KCNMA1: variants seen among roughly 807,000 people sequenced by gnomAD.
The protein encoded by KCNMA1 is Calcium-activated potassium channel subunit alpha-1.
KCNMA1 carries 29 observed loss-of-function variants against 140.0 expected under a neutral mutation model. That is an observed-to-expected ratio of 0.21 (90% CI 0.15 to 0.28). The LOEUF (loss-of-function observed/expected upper bound fraction) is 0.28, where lower values mean the gene tolerates loss of function less well. Ranked by LOEUF, KCNMA1 falls within the 10% of genes least tolerant of loss-of-function variation. The pLI is 1.00. For synonymous variants in KCNMA1, 612 were observed against 611.9 expected (o/e 1.00, Z 0.00); for missense variants, 880 against 1,602.2 (o/e 0.55, Z 7.70).
intron 21 of KCNMA1, 92 bp downstream of exon 21, chr10:76,953,709 T>C: frequency 5.6e-6 from 8 of 1,437,484 alleles, no homozygotes; most frequent in Non-Finnish European, 7.8e-6. Context: ...AGGGACAGTA[T>C]TATCCCACTG....
chr10:77,286,107 T>C (rs2070729103), intron 2 of KCNMA1, among the ~76,000 whole-genome samples: 1 of 152,200 alleles, frequency 6.6e-6, no homozygotes, highest in Non-Finnish European at 1.5e-5. Context: ...ACCTACACAA[T>C]TAATTGTGTA....
At chr10:76,888,711 G>C (rs2038489094) in intron 27 of KCNMA1, among the ~76,000 whole-genome samples, 1 of 152,168 alleles carries the variant, frequency 6.6e-6, no homozygotes, top group Non-Finnish European at 1.5e-5. Context: ...AAGTTAAAAA[G>C]CGAGTCAATT....
At chr10:77,215,407 CTTT>C (rs5786271) in intron 3 of KCNMA1, among the ~76,000 whole-genome samples, 22 of 132,884 alleles carry the variant, frequency 1.7e-4, no homozygotes, top group Admixed American at 2.3e-4. Context: ...TTTATTTTTG[CTTT>C]TTTTTTTTTT....
At chr10:77,337,944 A>G (rs1473633019) in intron 2 of KCNMA1, among the ~76,000 whole-genome samples, 1 of 152,254 alleles carries the variant, frequency 6.6e-6, no homozygotes, top group African/African-American at 2.4e-5. Context: ...AAATGGCTCC[A>G]GAAGCAGGGG....
chr10:77,375,069 G>C (rs1205320409), intron 2 of KCNMA1, among the ~76,000 whole-genome samples: 1 of 152,160 alleles, frequency 6.6e-6, no homozygotes, highest in Non-Finnish European at 1.5e-5. Context: ...ACACCTAAGT[G>C]CTGAGAAAAG....
At chr10:77,167,530 A>G (rs2098656410) in intron 5 of KCNMA1, among the ~76,000 whole-genome samples, 1 of 152,082 alleles carries the variant, frequency 6.6e-6, no homozygotes, top group Non-Finnish European at 1.5e-5. Flanking sequence ...CACTTGTTTT[A>G]AGGTTTGTTG....
chr10:77,632,494 C>T (rs1159837928), intron 1 of KCNMA1, among the ~76,000 whole-genome samples: 3 of 152,164 alleles, frequency 2.0e-5, no homozygotes, highest in East Asian at 1.9e-4. Flanking sequence ...TGTCGATGTT[C>T]GTCCACTGAT....
intron 26 of KCNMA1, 24 bp from the exon 27 acceptor site, chr10:76,889,593 G>C (rs1339908309): frequency 7.2e-6 from 11 of 1,518,416 alleles, no homozygotes; most frequent in Admixed American, 3.3e-5. Flanking sequence ...AAAGAACAGA[G>C]AGAAACATCC....
At chr10:76,897,801 T>C (rs1463437363) in intron 25 of KCNMA1, among the ~76,000 whole-genome samples, 1 of 151,990 alleles carries the variant, frequency 6.6e-6, no homozygotes, top group East Asian at 1.9e-4. Context: ...GCTAAAATTA[T>C]GTTTTAAAGT....
intron 1 of KCNMA1, among the ~76,000 whole-genome samples, chr10:77,492,025 G>A (rs1274692225): frequency 2.0e-5 from 3 of 152,094 alleles, no homozygotes; most frequent in South Asian, 2.1e-4. Context: ...TGCCGGTCCC[G>A]CCTCACTGCC....
intron 17 of KCNMA1, among the ~76,000 whole-genome samples, chr10:77,015,253 G>A (rs2091782452): frequency 6.6e-6 from 1 of 152,058 alleles, no homozygotes; most frequent in Non-Finnish European, 1.5e-5. Context: ...GGGGGATGAG[G>A]TCACCACCTT....
intron 19 of KCNMA1, chr10:76,995,529 C>T (rs1370115730): frequency 2.1e-6 from 1 of 470,912 alleles, no homozygotes; most frequent in East Asian, 7.0e-5. Flanking sequence ...AAGGCAGAGC[C>T]TTGACAAGAA....
chr10:77,475,459 G>A (rs530426398), intron 1 of KCNMA1, among the ~76,000 whole-genome samples: 4 of 152,234 alleles, frequency 2.6e-5, no homozygotes, highest in East Asian at 1.9e-4. Flanking sequence ...TCTCCCAAAG[G>A]CTAGAAGTGA....
chr10:77,360,938 G>A (rs1254299217), intron 2 of KCNMA1, among the ~76,000 whole-genome samples: 2 of 152,122 alleles, frequency 1.3e-5, no homozygotes, highest in Non-Finnish European at 2.9e-5. Flanking sequence ...GGTACTGGCA[G>A]CTCTGGGAGC....
At chr10:76,992,636 C>T (rs2083110470) in intron 19 of KCNMA1, among the ~76,000 whole-genome samples, 1 of 152,176 alleles carries the variant, frequency 6.6e-6, no homozygotes, top group Admixed American at 6.5e-5. Flanking sequence ...CACAGCCTAC[C>T]ACCATGAGGG....
At chr10:77,472,047 A>G (rs2098170489) in intron 1 of KCNMA1, among the ~76,000 whole-genome samples, 2 of 150,850 alleles carry the variant, frequency 1.3e-5, no homozygotes, top group African/African-American at 4.9e-5. Context: ...ATATTCACAT[A>G]CATGTACCAC....
At chr10:77,409,189 G>T (rs2096564445) in intron 1 of KCNMA1, among the ~76,000 whole-genome samples, 1 of 152,200 alleles carries the variant, frequency 6.6e-6, no homozygotes, top group Non-Finnish European at 1.5e-5. Context: ...GGGCCTGACT[G>T]CACCCCATCA....
At chr10:77,002,926 T>C (rs2086975072) in intron 18 of KCNMA1, among the ~76,000 whole-genome samples, 1 of 152,166 alleles carries the variant, frequency 6.6e-6, no homozygotes, top group Admixed American at 6.5e-5. Context: ...GAAAGTCATT[T>C]CCCCCACTCT....
At chr10:77,634,260 A>C in intron 1 of KCNMA1, 1 of 985,434 alleles carries the variant, frequency 1.0e-6, no homozygotes, top group Non-Finnish European at 1.2e-6. Context: ...TAATGTGAAA[A>C]AGTACAGCAA....
Sources: allele counts gnomAD v4.1 joint callset (sites outside exome capture counted in the v4.1 genomes callset), GRCh38; gene constraint gnomAD v4.1.1; transcripts MANE v1.5; gene names NCBI Gene and HGNC (gene_info 2026-07-23, HGNC 2026-07-21).